Variants in WWOX observed in about 807,000 individuals in gnomAD.
WWOX encodes WW domain containing oxidoreductase.
In WWOX, 69 loss-of-function variants were observed where a neutral mutation model predicts 46.2. The observed-to-expected ratio is 1.49, with a 90% CI of 1.23 to 1.82. WWOX has a LOEUF of 1.82. Among genes scored for constraint, WWOX ranks in the 40% most tolerant of loss-of-function variants. WWOX has a pLI of 0.00. For missense variants in WWOX, 919 were observed against 542.6 expected (o/e 1.69, Z -6.89); for synonymous variants, 359 against 202.6 (o/e 1.77, Z -6.56).
At chr16:78,788,243 C>G (rs1029466370) in intron 8 of WWOX, among the ~76,000 whole-genome samples, 1 of 152,204 alleles carries the variant, frequency 6.6e-6, no homozygotes, top group Non-Finnish European at 1.5e-5. Context: ...TAAACATTTA[C>G]TCCTGTGGTG....
intron 8 of WWOX, among the ~76,000 whole-genome samples, chr16:79,075,366 C>G (rs79315809): frequency 6.6e-6 from 1 of 152,206 alleles, no homozygotes; most frequent in South Asian, 2.1e-4. Flanking sequence ...GCTTCCACCA[C>G]CTTAACCTAG....
chr16:78,257,801 A>C (rs763829320), intron 5 of WWOX, among the ~76,000 whole-genome samples: 2 of 152,270 alleles, frequency 1.3e-5, no homozygotes, highest in Non-Finnish European at 2.9e-5. Flanking sequence ...CAAAACTCTT[A>C]GCCTTCTAAG....
At chr16:78,200,629 C>T in intron 5 of WWOX, among the ~76,000 whole-genome samples, 1 of 151,084 alleles carries the variant, frequency 6.6e-6, no homozygotes, top group East Asian at 1.9e-4. Flanking sequence ...GCAGATCTGA[C>T]TTCCTTGTTT....
intron 8 of WWOX, among the ~76,000 whole-genome samples, chr16:79,129,102 T>G (rs776442741): frequency 1.3e-5 from 2 of 152,138 alleles, no homozygotes; most frequent in Admixed American, 1.3e-4. Context: ...TTGATAGGAA[T>G]GCTTGCAAAC....
intron 8 of WWOX, among the ~76,000 whole-genome samples, chr16:78,576,580 C>A (rs918314305): frequency 6.6e-6 from 1 of 152,166 alleles, no homozygotes; most frequent in Non-Finnish European, 1.5e-5. Flanking sequence ...TGCCTATAAT[C>A]CTAGCACATT....
intron 8 of WWOX, among the ~76,000 whole-genome samples, chr16:79,020,157 CA>C (rs1320169972): frequency 6.6e-6 from 1 of 152,224 alleles, no homozygotes; most frequent in Non-Finnish European, 1.5e-5. Context: ...GTCTTTGAAA[CA>C]GTCAAAGGAG....
At chr16:78,757,503 G>A (rs2049684279) in intron 8 of WWOX, among the ~76,000 whole-genome samples, 2 of 152,128 alleles carry the variant, frequency 1.3e-5, no homozygotes, top group Admixed American at 1.3e-4. Context: ...TGAGCTTGTT[G>A]AGACAGCTAA....
intron 8 of WWOX, among the ~76,000 whole-genome samples, chr16:79,210,716 T>TA (rs1294823272): frequency 6.6e-5 from 10 of 152,254 alleles, no homozygotes; most frequent in African/African-American, 2.4e-4. Context: ...TATTTTTAAT[T>TA]ATGGCTTGCA....
chr16:78,584,676 C>G (rs755405905), intron 8 of WWOX, among the ~76,000 whole-genome samples: 1 of 152,104 alleles, frequency 6.6e-6, no homozygotes, highest in Admixed American at 6.5e-5. Context: ...GAAAAGCAGG[C>G]AGGAATTTTC....
At chr16:78,827,798 G>A (rs539011746) in intron 8 of WWOX, among the ~76,000 whole-genome samples, 155 of 152,286 alleles carry the variant, frequency 1.0e-3, no homozygotes, top group South Asian at 2.3e-3. Context: ...CCGAGATGGC[G>A]CCACTGCACT....
chr16:78,876,557 C>T (rs1031795495), intron 8 of WWOX, among the ~76,000 whole-genome samples: 1 of 151,478 alleles, frequency 6.6e-6, no homozygotes, highest in Non-Finnish European at 1.5e-5. Context: ...CCTTTCTTCT[C>T]TCTCCCAGTG....
At chr16:78,221,168 A>G (rs959240544) in intron 5 of WWOX, among the ~76,000 whole-genome samples, 3 of 152,214 alleles carry the variant, frequency 2.0e-5, no homozygotes, top group African/African-American at 7.2e-5. Flanking sequence ...TGGAGCTTAA[A>G]GAAAATAAAT....
rs143890688 is a variant in WWOX, at chr16:78,976,105, C to T, written c.1057-235503C>T. On this transcript the variant is annotated intron_variant, in intron 8 of 8. Coordinates refer to ENST00000566780, the MANE Select transcript of WWOX (RefSeq NM_016373.4). ...ATTCCATCCGAATGACAATTTCAAG[C>T]TCACGTCTTTGTTGTCCATCCTCGA... Among the ~76,000 whole-genome samples, 763 of 152,338 alleles carry T rather than the reference C, an allele frequency of 5.0e-3. 15 individuals are homozygous for T. In the East Asian group the frequency reaches 0.073, roughly 14 times the overall value.
chr16:78,631,765 A>G (rs376985608), intron 8 of WWOX, among the ~76,000 whole-genome samples: 9 of 152,126 alleles, frequency 5.9e-5, no homozygotes, highest in Admixed American at 1.3e-4. Flanking sequence ...GGCTCAAGCA[A>G]TCTGCTCACC....
intron 8 of WWOX, among the ~76,000 whole-genome samples, chr16:78,486,949 C>G (rs1423611847): frequency 6.6e-6 from 1 of 152,176 alleles, no homozygotes; most frequent in East Asian, 1.9e-4. Flanking sequence ...TCATTCCTAA[C>G]AGGGCATCCC....
At chr16:79,032,614 A>G (rs1227708059) in intron 8 of WWOX, among the ~76,000 whole-genome samples, 1 of 148,814 alleles carries the variant, frequency 6.7e-6, no homozygotes, top group Admixed American at 6.8e-5. Flanking sequence ...AATGAATATA[A>G]TTATATAATT....
chr16:78,709,734 ATT>A (rs11371557), intron 8 of WWOX, among the ~76,000 whole-genome samples: 1 of 143,954 alleles, frequency 6.9e-6, no homozygotes, highest in African/African-American at 2.6e-5. Context: ...AACAGTAAGC[ATT>A]TTTTTTTTTT....
intron 8 of WWOX, among the ~76,000 whole-genome samples, chr16:78,900,361 C>A (rs965275459): frequency 6.6e-6 from 1 of 152,116 alleles, no homozygotes; most frequent in Non-Finnish European, 1.5e-5. Context: ...AGTATGCACG[C>A]TCATATTATT....
At chr16:78,888,434 A>C (rs1385950182) in intron 8 of WWOX, among the ~76,000 whole-genome samples, 1 of 152,134 alleles carries the variant, frequency 6.6e-6, no homozygotes. Flanking sequence ...GTAGTTGTCT[A>C]GGGATTTAGT....
Sources: allele counts gnomAD v4.1 joint callset (sites outside exome capture counted in the v4.1 genomes callset), GRCh38; gene constraint gnomAD v4.1.1; transcripts MANE v1.5; gene names NCBI Gene and HGNC (gene_info 2026-07-23, HGNC 2026-07-21).